The following ZMIZ1 variants were observed in gnomAD, a reference collection of about 807,000 sequenced individuals.
ZMIZ1 encodes zinc finger MIZ-type containing 1.
A neutral mutation model predicts 113.9 loss-of-function variants in ZMIZ1; 17 were observed. The ratio of observed to expected loss-of-function variants is 0.15; its 90% CI spans 0.10 to 0.22. The LOEUF (loss-of-function observed/expected upper bound fraction) is 0.22. Ranked by LOEUF, ZMIZ1 falls within the 10% of genes least tolerant of loss-of-function variation. The pLI, the probability that ZMIZ1 is intolerant of heterozygous loss-of-function variation, is 1.00. For missense variants in ZMIZ1, 1,059 were observed against 1,477.8 expected (o/e 0.72, Z 4.65); for synonymous variants, 607 against 603.1 (o/e 1.01, Z -0.09).
At chr10:79,200,000 TG>T (rs1046782115) in intron 4 of ZMIZ1, among the ~76,000 whole-genome samples, 1 of 152,154 alleles carries the variant, frequency 6.6e-6, no homozygotes, top group African/African-American at 2.4e-5. Context: ...TGCGAGGACT[TG>T]GCACATCTGG....
intron 15 of ZMIZ1, among the ~76,000 whole-genome samples, 173 bp from the exon 16 acceptor site, chr10:79,298,877 C>T (rs1172358232): frequency 2.0e-5 from 3 of 151,946 alleles, no homozygotes; most frequent in African/African-American, 7.3e-5. Context: ...CGTGTAGAAT[C>T]GAAGAAGCCA....
At chr10:79,247,438 T>G (rs1290034841) in intron 7 of ZMIZ1, among the ~76,000 whole-genome samples, 1 of 152,220 alleles carries the variant, frequency 6.6e-6, no homozygotes, top group Non-Finnish European at 1.5e-5. Context: ...CCCAGAGTAC[T>G]GGGCGTGAGG....
At chr10:79,263,524 G>A (rs1185777742) in intron 7 of ZMIZ1, among the ~76,000 whole-genome samples, 1 of 152,154 alleles carries the variant, frequency 6.6e-6, no homozygotes, top group East Asian at 1.9e-4. Flanking sequence ...GGGAAGATTT[G>A]TGGGTGTTTT....
Position 79,255,936 on chromosome 10 carries a change from C to T in ZMIZ1, c.281-21245C>T, listed in dbSNP as rs375594842. Among the ~76,000 whole-genome samples the T allele has an allele frequency of 9.2e-5, 14 of 152,308 alleles. No individual in the cohort carries two copies. The South Asian group carries it at 2.7e-3, about 29-fold the overall frequency. ...CGGAAGACAATTGCCTGCAGAATTA[C>T]CCCCAAATTGGTTTAAGTGGCAACA... On this transcript the variant is annotated intron_variant, in intron 7 of 24. Transcript: ENST00000334512.
chr10:79,296,178 G>GCCC lies in ZMIZ1; in HGVS notation c.1231-291_1231-289dup. 1 of 449,426 alleles carries GCCC rather than the reference G, an allele frequency of 2.2e-6. No homozygotes were observed. The highest frequency in any genetic ancestry group is 3.9e-5 in the Admixed American group (1 of 25,390). 27.8% of individuals were successfully genotyped at this position (449,426 alleles called of 1,614,324 possible). A position where few individuals can be genotyped will look rare whatever the true frequency, so the allele number is the denominator to read the frequency against. On this transcript the variant is annotated intron_variant, in intron 12 of 24. Transcript: ENST00000334512. This position sits in a 1 kb window ranked among gnomAD's most constrained non-coding sequence, Gnocchi z 4.1. The stretch of plus-strand genomic sequence containing the variant: ...CAAAGGTCGGGGGAGTTAGAATCAG[G>GCCC]CCCCTCATAATGGTGTGAGCAAGAG...
At chr10:79,281,379 G>A (rs1852732522) in intron 8 of ZMIZ1, among the ~76,000 whole-genome samples, 2 of 152,198 alleles carry the variant, frequency 1.3e-5, no homozygotes, top group South Asian at 4.1e-4. Context: ...CTGACTGTCA[G>A]GAGGCTGCCC....
intron 7 of ZMIZ1, among the ~76,000 whole-genome samples, chr10:79,266,292 C>T (rs1851598725): frequency 6.6e-6 from 1 of 152,208 alleles, no homozygotes; most frequent in South Asian, 2.1e-4. Context: ...CATGATGTCA[C>T]AGAATTATGG....
chr10:79,093,751 C>T (rs1250013), intron 1 of ZMIZ1, among the ~76,000 whole-genome samples: 16,073 of 152,258 alleles, frequency 0.11, 1,034 homozygotes, highest in Non-Finnish European at 0.15. Flanking sequence ...CTCCCACTAC[C>T]CTATGCACAC....
At chr10:79,105,813 TAATGGCAGTTTC>T (rs1843534099) in intron 1 of ZMIZ1, among the ~76,000 whole-genome samples, 1 of 152,262 alleles carries the variant, frequency 6.6e-6, no homozygotes, top group Non-Finnish European at 1.5e-5. Flanking sequence ...ATTATTAAGC[TAATGGCAGTTTC>T]GATGGCAGAA....
intron 11 of ZMIZ1, 56 bp downstream of exon 11, chr10:79,292,412 C>T (rs1057264222): frequency 1.9e-6 from 3 of 1,572,262 alleles, no homozygotes; most frequent in Admixed American, 1.7e-5. Context: ...GGCAGACAGC[C>T]CTGGGAAACC....
In ZMIZ1 at chr10:79,291,106, G is replaced by T. The variant is rs757894239; in HGVS notation, c.688G>T (p.Ala230Ser). Residue 230 changes from alanine to serine, a missense_variant, in exon 10 of 25, where the codon GCT (alanine) becomes TCT (serine). Physicochemically the swap from Ala to Ser is moderately conservative, Grantham distance 99 (BLOSUM62 1). Transcript: ENST00000334512. Reference protein sequence around the residue: ...QQQFSAKAGPAQPYIQQSMYG... With the variant: ...QQQFSAKAGPSQPYIQQSMYG... ...GCAGTTCTCAGCCAAGGCTGGCCCC[G>T]CTCAGCCCTACATCCAGCAGAGCAT... The T allele has an allele frequency of 1.9e-6, 3 of 1,614,198 alleles. No individual in the cohort carries two copies. Among genetic ancestry groups the T allele is most frequent in the Non-Finnish European group, 1.7e-6 (2 of 1,180,036 alleles).
chr10:79,080,930 T>C (rs923656046), intron 1 of ZMIZ1, among the ~76,000 whole-genome samples: 1 of 152,070 alleles, frequency 6.6e-6, no homozygotes, highest in Non-Finnish European at 1.5e-5. Context: ...CTATTTCTGG[T>C]ATTCTTGGCA....
At chr10:79,197,991 G>A (rs1276873156) in intron 4 of ZMIZ1, among the ~76,000 whole-genome samples, 2 of 152,168 alleles carry the variant, frequency 1.3e-5, no homozygotes, top group Admixed American at 6.5e-5. Flanking sequence ...CAGGTGTGGT[G>A]GCTCACGCCT....
At chr10:79,199,186 T>C (rs1847965917) in intron 4 of ZMIZ1, among the ~76,000 whole-genome samples, 1 of 151,182 alleles carries the variant, frequency 6.6e-6, no homozygotes, top group Non-Finnish European at 1.5e-5. Context: ...TGCTTCATCA[T>C]ACCTAGGAAT....
At chr10:79,227,437 G>T (rs904712578) in intron 7 of ZMIZ1, among the ~76,000 whole-genome samples, 7 of 152,298 alleles carry the variant, frequency 4.6e-5, no homozygotes, top group Admixed American at 3.3e-4. Context: ...TTCTGGAGTA[G>T]CCTGTCTGGG....
intron 1 of ZMIZ1, among the ~76,000 whole-genome samples, chr10:79,073,290 C>T (rs1842354976): frequency 6.6e-6 from 1 of 152,196 alleles, no homozygotes; most frequent in African/African-American, 2.4e-5. Context: ...GCATGTGTCC[C>T]TTGAAGGCCT....
chr10:79,245,158 A>G (rs759779674), intron 7 of ZMIZ1, among the ~76,000 whole-genome samples: 4 of 152,204 alleles, frequency 2.6e-5, no homozygotes, highest in Non-Finnish European at 5.9e-5. Flanking sequence ...ACCTCGCTAC[A>G]TAAGGCTGCC....
intron 13 of ZMIZ1, among the ~76,000 whole-genome samples, chr10:79,297,385 G>T (rs1777949129): frequency 6.6e-6 from 1 of 152,196 alleles, no homozygotes; most frequent in African/African-American, 2.4e-5. Flanking sequence ...CAGCATACTA[G>T]GTGTTGCTAT....
At chr10:79,286,603 G>A (rs1440698673) in intron 8 of ZMIZ1, among the ~76,000 whole-genome samples, 4 of 152,254 alleles carry the variant, frequency 2.6e-5, no homozygotes, top group African/African-American at 4.8e-5. Context: ...ATATGCCTGC[G>A]TGCATCTTTG....
Sources: allele counts gnomAD v4.1 joint callset (sites outside exome capture counted in the v4.1 genomes callset), GRCh38; gene constraint gnomAD v4.1.1; non-coding constraint Gnocchi (gnomAD v3.1); transcripts MANE v1.5; gene names NCBI Gene and HGNC (gene_info 2026-07-23, HGNC 2026-07-21).